The following ZC3H12B variants were observed in gnomAD, a reference collection of about 807,000 sequenced individuals.
ZC3H12B encodes the protein probable ribonuclease ZC3H12B.
A neutral mutation model predicts 43.9 loss-of-function variants in ZC3H12B; 7 were observed. That is an observed-to-expected ratio of 0.16 (90% CI 0.09 to 0.30). The LOEUF (loss-of-function observed/expected upper bound fraction) is 0.30, where lower values mean the gene tolerates loss of function less well. Among genes scored for constraint, ZC3H12B ranks in the 10% least tolerant of loss-of-function variants. The pLI is 1.00. For missense variants in ZC3H12B, 475 were observed against 670.2 expected (o/e 0.71, Z 3.22); for synonymous variants, 222 against 241.7 (o/e 0.92, Z 0.76).
At chrX:65,420,206 C>A (rs954136018) in intron 3 of ZC3H12B, among the ~76,000 whole-genome samples, 1 of 112,226 alleles carries the variant, frequency 8.9e-6, no homozygotes, top group Non-Finnish European at 1.9e-5. Context: ...CCTGCCCTGG[C>A]ACCACATTGG....
chrX:65,096,226 TG>T, the ZC3H12B span, among the ~76,000 whole-genome samples: 1 of 29,683 alleles, frequency 3.4e-5, no homozygotes, highest in Non-Finnish European at 6.1e-5. Flanking sequence ...GGAGATGGGG[TG>T]GGGGGAGGGA....
At chrX:65,395,471 G>T (rs1476988202) in intron 2 of ZC3H12B, among the ~76,000 whole-genome samples, 1 of 112,301 alleles carries the variant, frequency 8.9e-6, no homozygotes, top group Non-Finnish European at 1.9e-5. Context: ...TAATTATGTG[G>T]TTTTTGTCGC....
chrX:65,456,434 C>G (rs1217704388), intron 3 of ZC3H12B, among the ~76,000 whole-genome samples: 1 of 59,823 alleles, frequency 1.7e-5, no homozygotes, highest in African/African-American at 6.7e-5. Context: ...TCTCCCTCTC[C>G]CTCTCCCTCT....
the ZC3H12B span, among the ~76,000 whole-genome samples, chrX:65,211,960 A>G: frequency 1.4e-5 from 1 of 70,664 alleles, no homozygotes; most frequent in East Asian, 4.6e-4. Flanking sequence ...ATAATATATA[A>G]TATATGTTAT....
At chrX:65,115,198 G>T in the ZC3H12B span, among the ~76,000 whole-genome samples, 1 of 106,944 alleles carries the variant, frequency 9.4e-6, no homozygotes, top group Non-Finnish European at 1.9e-5. Flanking sequence ...TTTATCCCTC[G>T]CCACCCCCCA....
chrX:65,434,728 C>T (rs746243088), intron 3 of ZC3H12B, among the ~76,000 whole-genome samples: 31 of 111,515 alleles, frequency 2.8e-4, no homozygotes, highest in Middle Eastern at 9.2e-3. Context: ...GAACTTGAGT[C>T]TAGTTATGGG....
upstream of ZC3H12B, among the ~76,000 whole-genome samples, chrX:65,365,677 G>T (rs955378729): frequency 1.8e-5 from 2 of 111,102 alleles, no homozygotes; most frequent in East Asian, 2.8e-4. Flanking sequence ...AGGCCTCTGA[G>T]CCCAAGCTAA....
chrX:65,314,837 G>A, the ZC3H12B span, among the ~76,000 whole-genome samples: 3 of 110,459 alleles, frequency 2.7e-5, no homozygotes, highest in Admixed American at 9.7e-5. Context: ...GTAGACATAA[G>A]ATATATATCA....
chrX:65,129,250 T>C, the ZC3H12B span, among the ~76,000 whole-genome samples: 2 of 89,825 alleles, frequency 2.2e-5, no homozygotes, highest in African/African-American at 1.4e-4. Context: ...TGTATGTGTG[T>C]ATATATGTAT....
the ZC3H12B span, among the ~76,000 whole-genome samples, chrX:65,254,159 G>T: frequency 8.9e-6 from 1 of 112,212 alleles, no homozygotes; most frequent in Non-Finnish European, 1.9e-5. Context: ...TGCCACTGCT[G>T]CCAGCACAAA....
the ZC3H12B span, among the ~76,000 whole-genome samples, chrX:65,196,736 G>A: frequency 1.8e-5 from 2 of 111,304 alleles, no homozygotes; most frequent in African/African-American, 6.5e-5. Flanking sequence ...AGGGAGATGA[G>A]GAGAAAATGT....
intron 3 of ZC3H12B, among the ~76,000 whole-genome samples, chrX:65,447,100 A>T (rs892022591): frequency 9.0e-6 from 1 of 111,596 alleles, no homozygotes; most frequent in Non-Finnish European, 1.9e-5. Flanking sequence ...TCATTTCTTC[A>T]AATAAGCCCC....
chrX:65,172,799 C>T, the ZC3H12B span, among the ~76,000 whole-genome samples: 5 of 111,899 alleles, frequency 4.5e-5, no homozygotes, highest in South Asian at 7.4e-4. Context: ...TGTTTTGGTA[C>T]GAGTAGCATG....
the ZC3H12B span, among the ~76,000 whole-genome samples, chrX:65,121,777 G>C: frequency 2.7e-5 from 3 of 110,627 alleles, no homozygotes; most frequent in South Asian, 1.2e-3. Flanking sequence ...GCTTTCTTTT[G>C]TGGGCATTTA....
chrX:65,340,042 C>T, the ZC3H12B span, among the ~76,000 whole-genome samples: 1 of 111,849 alleles, frequency 8.9e-6, no homozygotes. Flanking sequence ...AGCCCACCAG[C>T]ACCCCAAACC....
the ZC3H12B span, among the ~76,000 whole-genome samples, chrX:65,247,663 C>A: frequency 2.7e-5 from 3 of 112,231 alleles, no homozygotes; most frequent in Non-Finnish European, 5.6e-5. Flanking sequence ...TGCATGTTCT[C>A]ACTTATAAGT....
At chrX:65,065,610 AT>A in the ZC3H12B span, among the ~76,000 whole-genome samples, 9 of 110,815 alleles carry the variant, frequency 8.1e-5, no homozygotes, top group Non-Finnish European at 1.1e-4. Context: ...GAATCTGACG[AT>A]TATGTGTCTT....
At chrX:65,058,378 C>T in the ZC3H12B span, among the ~76,000 whole-genome samples, 2 of 112,125 alleles carry the variant, frequency 1.8e-5, no homozygotes, top group Non-Finnish European at 3.8e-5. Context: ...GCAGCAGAGG[C>T]TATAAAACAG....
At chrX:65,183,105 C>T in the ZC3H12B span, among the ~76,000 whole-genome samples, 5 of 111,909 alleles carry the variant, frequency 4.5e-5, no homozygotes, top group Admixed American at 3.8e-4. Flanking sequence ...TCAGTCTACT[C>T]TAAAGACACA....
Sources: allele counts gnomAD v4.1 joint callset (sites outside exome capture counted in the v4.1 genomes callset), GRCh38; gene constraint gnomAD v4.1.1; transcripts MANE v1.5; gene names NCBI Gene and HGNC (gene_info 2026-07-23, HGNC 2026-07-21).